The following TCF4 variants were observed in gnomAD, a reference collection of about 807,000 sequenced individuals.
TCF4 encodes the protein SL3-3 enhancer factor 2.
In TCF4, 3 loss-of-function variants were observed where a neutral mutation model predicts 82.1. The ratio of observed to expected loss-of-function variants is 0.04; its 90% CI spans 0.02 to 0.09. The LOEUF (loss-of-function observed/expected upper bound fraction) is 0.09, where lower values mean the gene tolerates loss of function less well. Among genes scored for constraint, TCF4 ranks in the 10% least tolerant of loss-of-function variants. The probability of loss-of-function intolerance (pLI) is 1.00; values close to 1 mark genes in which losing one functional copy is unlikely to be tolerated. For synonymous variants in TCF4, 276 were observed against 309.6 expected, an observed-to-expected ratio of 0.89 and a Z score of 1.14; for missense variants, 518 against 852.7, an observed-to-expected ratio of 0.61 and a Z score of 4.89.
intron 5 of TCF4, among the ~76,000 whole-genome samples, chr18:55,453,292 G>A (rs1405939365): frequency 6.6e-6 from 1 of 152,152 alleles, no homozygotes; most frequent in Non-Finnish European, 1.5e-5. Context: ...AGAGCCACCA[G>A]CCCTGACATC....
chr18:55,621,541 T>TATATAATATATATA (rs1568500525), intron 2 of TCF4, among the ~76,000 whole-genome samples: 576 of 1,420 alleles, frequency 0.41, 27 homozygotes, highest in Middle Eastern at 0.5. Flanking sequence ...ATATATATAT[T>TATATAATATATATA]ATATTATATA....
At chr18:55,604,786 TA>T (rs920955705) in intron 2 of TCF4, among the ~76,000 whole-genome samples, 1 of 152,186 alleles carries the variant, frequency 6.6e-6, no homozygotes, top group African/African-American at 2.4e-5. Context: ...TGGTCATTGG[TA>T]ATGGCTACTA....
chr18:55,412,673 G>GA (rs1241800010), intron 5 of TCF4, among the ~76,000 whole-genome samples: 1 of 152,190 alleles, frequency 6.6e-6, no homozygotes, highest in Non-Finnish European at 1.5e-5. Flanking sequence ...CATTGGAGGA[G>GA]ATGGGTGACA....
At chr18:55,405,741 A>G (rs2094053392) in intron 5 of TCF4, among the ~76,000 whole-genome samples, 1 of 152,150 alleles carries the variant, frequency 6.6e-6, no homozygotes, top group Non-Finnish European at 1.5e-5. Flanking sequence ...GAATGCAAAG[A>G]GCAAGAGGTA....
At chr18:55,560,013 G>A (rs1055627708) in intron 3 of TCF4, among the ~76,000 whole-genome samples, 12 of 152,112 alleles carry the variant, frequency 7.9e-5, no homozygotes, top group Admixed American at 1.3e-4. Context: ...CTCTTAACAA[G>A]AAAAATTTCC....
At chr18:55,507,263 G>T (rs1451531437) in intron 3 of TCF4, among the ~76,000 whole-genome samples, 1 of 152,078 alleles carries the variant, frequency 6.6e-6, no homozygotes, top group Non-Finnish European at 1.5e-5. Context: ...TTTGTGCTTT[G>T]GGGCCATAGT....
rs984587318 is a variant in TCF4, at chr18:55,623,765, AT to A, written c.286+7532del. Among the ~76,000 whole-genome samples the A allele has an allele frequency of 3.2e-4, 48 of 152,122 alleles. 1 individual carries two copies. On this transcript the variant is annotated intron_variant, in intron 2 of 20. Coordinates refer to the TCF4 transcript ENST00000398339. Reference sequence around the variant, plus strand: ...AGCTATGTGAGTCCCATTAGTGTGAATTGGAGTTTTGCAGCTAGATCCATGA... The same window carrying A: ...AGCTATGTGAGTCCCATTAGTGTGAATGGAGTTTTGCAGCTAGATCCATGA...
At chr18:55,586,174 CAGCAGCAGCAGCAGCAGCAGCAGCAG>C in intron 2 of TCF4, 2 of 451,202 alleles carry the variant, frequency 4.4e-6, no homozygotes, top group Non-Finnish European at 6.0e-6. Context: ...GCAGCAGCAG[CAGCAGCAGCAGCAGCAGCAGCAGCAG>C]CAGCAGCAGC....
chr18:55,331,391 C>G (rs2077541739), intron 8 of TCF4, among the ~76,000 whole-genome samples: 1 of 152,222 alleles, frequency 6.6e-6, no homozygotes, highest in South Asian at 2.1e-4. Context: ...ATCTACCTTG[C>G]TGCTCCCAAA....
chr18:55,408,650 C>T (rs1046039936), intron 5 of TCF4, among the ~76,000 whole-genome samples: 30 of 152,114 alleles, frequency 2.0e-4, no homozygotes, highest in African/African-American at 7.2e-4. Context: ...TGCACAACCC[C>T]ATAAGGCAGG....
chr18:55,408,260 T>C (rs1272758247), intron 5 of TCF4, among the ~76,000 whole-genome samples: 1 of 152,192 alleles, frequency 6.6e-6, no homozygotes, highest in Non-Finnish European at 1.5e-5. Flanking sequence ...AAAAATTATC[T>C]GATGCTGCAG....
At chr18:55,300,703 A>G (rs950745378) in intron 8 of TCF4, among the ~76,000 whole-genome samples, 5 of 152,158 alleles carry the variant, frequency 3.3e-5, no homozygotes, top group African/African-American at 4.8e-5. Flanking sequence ...AAGCACATGC[A>G]AACAGCAACC....
chr18:55,627,929 A>G (rs1285537257), intron 2 of TCF4, among the ~76,000 whole-genome samples: 1 of 152,028 alleles, frequency 6.6e-6, no homozygotes, highest in Admixed American at 6.6e-5. Flanking sequence ...GCGTGGTGGC[A>G]GGCGCCTGTA....
At chr18:55,434,678 T>C (rs888349865) in intron 5 of TCF4, among the ~76,000 whole-genome samples, 25 of 151,416 alleles carry the variant, frequency 1.7e-4, no homozygotes, top group African/African-American at 4.1e-4. Flanking sequence ...CTGCCCGCCT[T>C]GGCCTCCCAA....
At chr18:55,593,403 C>T (rs2097687717), upstream of TCF4, among the ~76,000 whole-genome samples, 2 of 152,160 alleles carry the variant, frequency 1.3e-5, no homozygotes, top group Non-Finnish European at 2.9e-5. Flanking sequence ...GAATTAATGC[C>T]TAAAGATAAT....
At chr18:55,411,048 T>A (rs2094324629) in intron 5 of TCF4, among the ~76,000 whole-genome samples, 1 of 152,116 alleles carries the variant, frequency 6.6e-6, no homozygotes, top group South Asian at 2.1e-4. Context: ...CGCAGGAAAA[T>A]CTTTCATTGA....
chr18:55,326,378 A>G (rs1027332667), intron 8 of TCF4, among the ~76,000 whole-genome samples: 4 of 145,656 alleles, frequency 2.7e-5, no homozygotes, highest in Non-Finnish European at 6.0e-5. Context: ...TCCTCTATGC[A>G]AGAGTGCCTT....
In TCF4 at chr18:55,466,606, TA is replaced by T. The variant is rs147747236; in HGVS notation, c.146-2470del. On this transcript the variant is annotated intron_variant, in intron 3 of 19. Coordinates refer to ENST00000354452, the MANE Select transcript of TCF4 (RefSeq NM_001083962.2). ...GAATCAAGTTGGAGAAAAGATGTAT[TA>T]AAATTTGATTTATAATTTAGTAAGA... is the stretch of plus-strand genomic sequence containing the variant. Among the ~76,000 whole-genome samples, 1,120 of 152,302 alleles carry T rather than the reference TA, an allele frequency of 7.4e-3. 7 individuals carry two copies. Among genetic ancestry groups the T allele is most frequent in the Non-Finnish European group, 0.013 (874 of 68,014 alleles).
intron 6 of TCF4, among the ~76,000 whole-genome samples, chr18:55,382,107 G>A (rs952675337): frequency 6.6e-6 from 1 of 152,066 alleles, no homozygotes; most frequent in African/African-American, 2.4e-5. Flanking sequence ...CTCAGGAGTG[G>A]AAGTTACTGA....
Sources: gnomAD v4.1 joint callset for allele counts (sites outside exome capture counted in the v4.1 genomes callset) on GRCh38, gnomAD v4.1.1 for gene constraint, MANE v1.5 for transcripts, NCBI Gene and HGNC (gene_info 2026-07-23, HGNC 2026-07-21) for gene names.